CACNA1G: variants seen among roughly 807,000 people sequenced by gnomAD.
The protein encoded by CACNA1G is calcium voltage-gated channel subunit alpha1 G.
CACNA1G carries 67 observed loss-of-function variants against 219.4 expected under a neutral mutation model. That is an observed-to-expected ratio of 0.31 (90% confidence interval 0.25 to 0.37). The LOEUF is 0.37. Among genes scored for constraint, CACNA1G ranks in the 10% least tolerant of loss-of-function variants. The pLI, the probability that CACNA1G is intolerant of heterozygous loss-of-function variation, is 1.00. For synonymous variants in CACNA1G, 1,296 were observed against 1,345.3 expected, an observed-to-expected ratio of 0.96 and a Z score of 0.80; for missense variants, 2,380 against 3,231.4, an observed-to-expected ratio of 0.74 and a Z score of 6.39.
At chr17:50,605,686 C>CAA (rs2047807345) in intron 22 of CACNA1G, among the ~76,000 whole-genome samples, 1 of 152,230 alleles carries the variant, frequency 6.6e-6, no homozygotes, top group African/African-American at 2.4e-5. Flanking sequence ...CCACTGCCCG[C>CAA]CCCGATTACC....
chr17:50,590,772 G>A, intron 10 of CACNA1G, 150 bp downstream of exon 10: 1 of 689,512 alleles, frequency 1.5e-6, no homozygotes, highest in Non-Finnish European at 2.4e-6. Flanking sequence ...CTCCTAGGTG[G>A]GGGGCTCTCT....
At position 50,623,263 on chromosome 17, in the gene CACNA1G, AT is replaced by A. The variant is rs35058899; in HGVS notation, c.6061-613del. 5.0e-3 allele frequency among the ~76,000 whole-genome samples: 257 copies of A among 50,970 alleles called. 2 individuals carry two copies. Among genetic ancestry groups the A allele is most frequent in the African/African-American group, 0.013 (139 of 10,492 alleles). 33.4% of individuals were successfully genotyped at this position (50,970 alleles called of 152,430 possible). The stretch of plus-strand genomic sequence containing the variant: ...GGTGCCACGCCACCATATCCAGCTA[AT>A]TTTTTTTTTTTTTTTTTTTTTTTTT... On this transcript the variant is annotated intron_variant, in intron 35 of 37. Transcript: ENST00000359106.
intron 34 of CACNA1G, among the ~76,000 whole-genome samples, chr17:50,620,431 T>C (rs1442409490): frequency 1.3e-5 from 2 of 152,210 alleles, no homozygotes; most frequent in South Asian, 2.1e-4. Context: ...CTTGGCTTCC[T>C]GCCCAAGCCC....
At position 50,605,839 on chromosome 17, in the gene CACNA1G, G is replaced by C. The variant is rs3744521; in HGVS notation, c.4297-59G>C. On this transcript the variant is annotated intron_variant, in intron 22 of 37. Transcript: ENST00000359106. ...GCTGGCGTGGGGGTGGGGCTCAGGA[G>C]TCCTGGGCTTCCTGTGGTCACAGCT... The C allele has an allele frequency of 0.32, 504,981 of 1,595,934 alleles. 91,796 individuals carry two copies. Among genetic ancestry groups the C allele is most frequent in the East Asian group, 0.88 (39,321 of 44,512 alleles).
chr17:50,624,394 T>C lies in CACNA1G; in HGVS notation c.6264T>C (p.Asp2088=), dbSNP rs756319131. The change falls in exon 37 of 38, where the codon GAT becomes GAC. Residue 2088 remains aspartate (D), a synonymous_variant. Transcript: ENST00000359106. ...TGTCCGTTCACTCCCAGCCAGCAGA[T>C]ACCAGCTACATCCTGCAGCTTCCCA... ...SVLSVHSQPA[D]TSYILQLPKD... is the part of the protein sequence containing the mutation. 8.1e-6 allele frequency: 12 copies of C among 1,481,512 alleles called. No homozygotes were observed. In the South Asian group the frequency reaches 1.2e-4, roughly 14 times the overall value. The allele number at this position is 1,481,512 out of a possible 1,614,324, so 91.8% of individuals were successfully genotyped here. A position where few individuals can be genotyped will look rare whatever the true frequency, so the allele number is the denominator to read the frequency against.
chr17:50,609,130 G>C (rs899286336), intron 25 of CACNA1G, among the ~76,000 whole-genome samples: 3 of 152,306 alleles, frequency 2.0e-5, no homozygotes, highest in Middle Eastern at 3.4e-3. Flanking sequence ...AAATGAGTGA[G>C]GGGTTGCCGT....
Position 50,596,820 on chromosome 17 carries a change from A to G in CACNA1G, c.3155A>G (p.Lys1052Arg), listed in dbSNP as rs756334733. The change falls in exon 16 of 38, where the codon AAG (lysine) becomes AGG (arginine). Residue 1052 changes from lysine (K) to arginine (R), a missense_variant. Lys to Arg is a conservative substitution (Grantham distance 26, BLOSUM62 2). Transcript: ENST00000359106. This position sits in a 1 kb window ranked among gnomAD's most constrained non-coding sequence, Gnocchi z 4.8. ...HTAATPMSLP[K>R]STSTGLGEAL... ...GCCGCCACACCCATGTCGCTGCCCA[A>G]GAGCACCAGCACGGGCCTGGGCGAG... 1.9e-6 allele frequency: 3 copies of G among 1,610,566 alleles called. No individual in the cohort carries two copies. The Admixed American group carries it at 5.0e-5, about 27-fold the overall frequency.
intron 34 of CACNA1G, 35 bp downstream of exon 34, chr17:50,619,861 A>G: frequency 1.3e-6 from 2 of 1,574,372 alleles, no homozygotes; most frequent in Non-Finnish European, 1.7e-6. Context: ...CTCTCCCCTG[A>G]CCGTGCTGGG....
At chr17:50,574,638 C>G (rs1030041317) in intron 7 of CACNA1G, among the ~76,000 whole-genome samples, 1 of 152,156 alleles carries the variant, frequency 6.6e-6, no homozygotes, top group Non-Finnish European at 1.5e-5. Flanking sequence ...GATAAGGGGC[C>G]TAGTTTCCAC....
intron 25 of CACNA1G, among the ~76,000 whole-genome samples, chr17:50,608,776 G>A (rs2048515611): frequency 6.6e-6 from 1 of 152,110 alleles, no homozygotes; most frequent in Non-Finnish European, 1.5e-5. Context: ...AGGCCAGGAA[G>A]GATGTGAGAG....
chr17:50,575,713 C>T lies in CACNA1G; in HGVS notation c.1311C>T (p.Leu437=). 1 of 1,601,698 alleles carries T rather than the reference C, an allele frequency of 6.2e-7. No individual in the cohort carries two copies. Among genetic ancestry groups the T allele is most frequent in the Non-Finnish European group, 8.5e-7 (1 of 1,174,092 alleles). The part of the protein sequence containing the change: ...SEPGSCYEEL[L]KYLVYILRKA... The stretch of plus-strand genomic sequence containing the variant: ...CCGGCAGCTGCTATGAGGAGCTGCT[C>T]AAGTACCTGGTGTACATCCTTCGTA... The change falls in exon 8 of 38, where the codon CTC becomes CTT. Residue 437 remains leucine, a synonymous_variant. Coordinates refer to ENST00000359106, the MANE Select transcript of CACNA1G (RefSeq NM_018896.5).
At chr17:50,584,324 G>A (rs1259766684) in intron 9 of CACNA1G, among the ~76,000 whole-genome samples, 2 of 152,046 alleles carry the variant, frequency 1.3e-5, no homozygotes, top group African/African-American at 4.8e-5. Flanking sequence ...GCTGGCCTGA[G>A]GGAAGAGAGG....
Position 50,602,822 on chromosome 17 carries a change from A to G in CACNA1G, c.3918A>G (p.Glu1306=). Residue 1306 remains glutamate, a splice_region_variant and synonymous_variant, in exon 20 of 38, where the codon GAA becomes GAG. Coordinates refer to ENST00000359106, the MANE Select transcript of CACNA1G (RefSeq NM_018896.5). ...ERPKIDPHSA[E]RIFLTLSNYI... ...CCCCTGCCTCCCCTCTCTTGCAGGA[A>G]CGCATCTTCCTGACCCTCTCCAATT... The G allele has an allele frequency of 6.2e-7, 1 of 1,613,704 alleles. No individual in the cohort carries two copies. The highest frequency in any genetic ancestry group is 1.3e-5 in the African/African-American group (1 of 74,992).
At position 50,600,745 on chromosome 17, in the gene CACNA1G, G is replaced by A. The variant is rs368748594; in HGVS notation, c.3710G>A (p.Arg1237His). The change falls in exon 18 of 38, where the codon CGC becomes CAC. Residue 1237 changes from arginine to histidine, a missense_variant. Arg to His is a conservative substitution (Grantham distance 29). Coordinates refer to ENST00000359106, the MANE Select transcript of CACNA1G (RefSeq NM_018896.5). This position sits in a 1 kb window ranked among gnomAD's most constrained non-coding sequence, Gnocchi z 4.1. The stretch of plus-strand genomic sequence containing the variant: ...CTGCAGAGCAAAGGGGAACGGGTCC[G>A]CGCGTGGATCCGAGCCCGACTCCCT... Reference protein sequence around the residue: ...EGNLSKGERVRAWIRARLPAC... With the variant: ...EGNLSKGERVHAWIRARLPAC... 53 of 1,613,676 alleles carry A rather than the reference G, an allele frequency of 3.3e-5. No homozygotes were observed. The highest frequency in any genetic ancestry group is 4.1e-5 in the Non-Finnish European group (48 of 1,179,786).
intron 37 of CACNA1G, 32 bp downstream of exon 37, chr17:50,624,561 T>C: frequency 6.5e-7 from 1 of 1,542,920 alleles, no homozygotes. Flanking sequence ...GGCACAGGCC[T>C]GGGGGCTGGA....
intron 25 of CACNA1G, 129 bp from the exon 26 acceptor site, chr17:50,609,753 A>C (rs1382467142): frequency 1.4e-6 from 1 of 711,302 alleles, no homozygotes; most frequent in African/African-American, 1.8e-5. Context: ...AGAGCCAGCC[A>C]CCCAATGGGC....
chr17:50,604,657 C>A (rs2047559553), intron 22 of CACNA1G, among the ~76,000 whole-genome samples: 1 of 152,242 alleles, frequency 6.6e-6, no homozygotes, highest in Non-Finnish European at 1.5e-5. Flanking sequence ...ATCCAGGGCC[C>A]AGACAGCTGG....
intron 9 of CACNA1G, among the ~76,000 whole-genome samples, chr17:50,589,460 C>T (rs1245392715): frequency 2.0e-5 from 3 of 152,146 alleles, no homozygotes; most frequent in South Asian, 2.1e-4. Flanking sequence ...GTGTGTACAA[C>T]GTGTTTCTAG....
At chr17:50,586,873 C>T (rs1391548464) in intron 9 of CACNA1G, among the ~76,000 whole-genome samples, 6 of 152,196 alleles carry the variant, frequency 3.9e-5, no homozygotes, top group African/African-American at 1.4e-4. Context: ...TGCAAGGTGA[C>T]AGCCGGAGGG....
Sources: gnomAD v4.1 joint callset for allele counts (sites outside exome capture counted in the v4.1 genomes callset) on GRCh38, gnomAD v4.1.1 for gene constraint, Gnocchi (gnomAD v3.1) non-coding constraint, MANE v1.5 for transcripts, NCBI Gene and HGNC (gene_info 2026-07-23, HGNC 2026-07-21) for gene names.